OR10G9: variants seen among roughly 807,000 people sequenced by gnomAD.
OR10G9 encodes olfactory receptor family 10 subfamily G member 9.
For missense variants in OR10G9, 347 were observed against 378.6 expected (o/e 0.92, Z 0.69); for synonymous variants, 149 against 161.0 (o/e 0.93, Z 0.56).
chr11:124,023,580 G>A lies in OR10G9; in HGVS notation c.568G>A (p.Asp190Asn), dbSNP rs766320268. ...GCCCATCCTGAAACTGGCCTGTGCA[G>A]ACACCTCAGCCAACGAGATGGTCAT... ...APPILKLACADTSANEMVIFV... is the reference protein window; with the variant it reads ...APPILKLACANTSANEMVIFV... The change falls in exon 1 of 1, where the codon GAC (aspartate) becomes AAC (asparagine). Residue 190 changes from aspartate (D) to asparagine (N), a missense_variant. Asp to Asn is a conservative substitution (Grantham distance 23, BLOSUM62 1). Coordinates refer to ENST00000375024, the MANE Select transcript of OR10G9 (RefSeq NM_001001953.1). 6 of 1,613,912 alleles carry A rather than the reference G, an allele frequency of 3.7e-6. No homozygotes were observed. The highest frequency in any genetic ancestry group is 1.3e-5 in the African/African-American group (1 of 74,902).
rs1345171819 is a variant in OR10G9, at chr11:124,023,314, AT to A, written c.308del (p.Phe103SerfsTer32). ...ISFHSCVAQL[Y>X]FFHFLGSTEC... is the part of the protein sequence containing the mutation. ...TTCCACAGCTGCGTGGCTCAGCTCT[AT>A]TTTTTCCACTTCCTGGGGAGCACCG... is the stretch of plus-strand genomic sequence containing the variant. On this transcript the variant is annotated frameshift_variant, in exon 1 of 1. Coordinates refer to ENST00000375024, the MANE Select transcript of OR10G9 (RefSeq NM_001001953.1). LOFTEE classifies it low-confidence loss of function (END_TRUNC). 6.3e-7 allele frequency: 1 copy of A among 1,577,444 alleles called. No homozygotes were observed. Among genetic ancestry groups the A allele is most frequent in the Non-Finnish European group, 8.7e-7 (1 of 1,155,026 alleles).
In OR10G9 at chr11:124,023,018, C is replaced by G. The variant is rs143971004; in HGVS notation, c.6C>G (p.Ser2=). M[S]KTSLVTAFIL... ...GAGACCAAGGGTGAGAAGAAATGTC[C>G]AAGACCAGCCTCGTGACAGCGTTCA... The change falls in exon 1 of 1, where the codon TCC becomes TCG. Residue 2 remains serine (S), a synonymous_variant. Transcript: ENST00000375024. The G allele has an allele frequency of 6.2e-6, 10 of 1,613,482 alleles. No homozygotes were observed. The African/African-American group carries it at 1.1e-4, about 17-fold the overall frequency.
chr11:124,023,566 A>C lies in OR10G9; in HGVS notation c.554A>C (p.Lys185Thr), dbSNP rs776298193. Residue 185 changes from lysine to threonine, a missense_variant, in exon 1 of 1, where the codon AAA becomes ACA. Transcript: ENST00000375024. Reference protein sequence around the residue: ...HYLCDAPPILKLACADTSANE... With the variant: ...HYLCDAPPILTLACADTSANE... ...TTGTGTGATGCACCGCCCATCCTGA[A>C]ACTGGCCTGTGCAGACACCTCAGCC... The C allele has an allele frequency of 6.2e-7, 1 of 1,613,942 alleles. No individual in the cohort carries two copies. The highest frequency in any genetic ancestry group is 8.5e-7 in the Non-Finnish European group (1 of 1,179,884).
In OR10G9 at chr11:124,023,320, T is replaced by C; in HGVS notation, c.308T>C (p.Phe103Ser). ...AGCTGCGTGGCTCAGCTCTATTTTTTCCACTTCCTGGGGAGCACCGAGTGT... is the reference window on the plus strand; with the variant it reads ...AGCTGCGTGGCTCAGCTCTATTTTTCCCACTTCCTGGGGAGCACCGAGTGT... ...FHSCVAQLYF[F>S]HFLGSTECFL... is the part of the protein sequence containing the mutation. The change falls in exon 1 of 1, where the codon TTC (phenylalanine) becomes TCC (serine). Residue 103 changes from phenylalanine to serine, a missense_variant. Coordinates refer to ENST00000375024, the MANE Select transcript of OR10G9 (RefSeq NM_001001953.1). The C allele has an allele frequency of 6.3e-7, 1 of 1,586,864 alleles. No homozygotes were observed. The highest frequency in any genetic ancestry group is 8.6e-7 in the Non-Finnish European group (1 of 1,158,300).
chr11:124,023,895 A>T lies in OR10G9; in HGVS notation c.883A>T (p.Lys295Ter), dbSNP rs199970781. 6.3e-7 allele frequency: 1 copy of T among 1,598,900 alleles called. No individual in the cohort carries two copies. Among genetic ancestry groups the T allele is most frequent in the East Asian group, 2.2e-5 (1 of 44,840 alleles). ...VVYTLRNKEV[K>*]KAVLKLRDKV... ...GTACACCCTGAGAAACAAGGAGGTGAAGAAAGCTGTGTTGAAACTGAGAGA... is the reference window on the plus strand; with the variant it reads ...GTACACCCTGAGAAACAAGGAGGTGTAGAAAGCTGTGTTGAAACTGAGAGA... The change falls in exon 1 of 1, where the codon AAG becomes TAG. Residue 295 changes from lysine (K) to a stop codon, truncating the protein, a stop_gained. Transcript: ENST00000375024. LOFTEE classifies it low-confidence loss of function (END_TRUNC).
In OR10G9 at chr11:124,023,890, A is replaced by T. The variant is rs748143370; in HGVS notation, c.878A>T (p.Glu293Val). ...GTTGTGTACACCCTGAGAAACAAGG[A>T]GGTGAAGAAAGCTGTGTTGAAACTG... ...NPVVYTLRNK[E>V]VKKAVLKLRD... The change falls in exon 1 of 1, where the codon GAG (glutamate) becomes GTG (valine). Residue 293 changes from glutamate (E) to valine (V), a missense_variant. By Grantham distance (121) the Glu-to-Val change is moderately radical. Transcript: ENST00000375024. 8 of 1,612,266 alleles carry T rather than the reference A, an allele frequency of 5.0e-6. No homozygotes were observed. The highest frequency in any genetic ancestry group is 1.7e-5 in the Admixed American group (1 of 59,490).
At position 124,023,406 on chromosome 11, in the gene OR10G9, A is replaced by G; in HGVS notation, c.394A>G (p.Thr132Ala). ...GGCCATCAGTTACCCGCTCAGGTAC[A>G]CCAGCATGATGAGTGGGAGCAGATG... is the stretch of plus-strand genomic sequence containing the variant. ...YLAISYPLRY[T>A]SMMSGSRCAL... Residue 132 changes from threonine to alanine, a missense_variant, in exon 1 of 1, where the codon ACC becomes GCC. By Grantham distance (58) the Thr-to-Ala change is moderately conservative. Transcript: ENST00000375024. 6.2e-7 allele frequency: 1 copy of G among 1,611,376 alleles called. No homozygotes were observed. Among genetic ancestry groups the G allele is most frequent in the South Asian group, 1.1e-5 (1 of 90,920 alleles).
Position 124,023,798 on chromosome 11 carries a change from C to A in OR10G9, c.786C>A (p.Gly262=), listed in dbSNP as rs935457846. 1 of 1,614,178 alleles carries A rather than the reference C, an allele frequency of 6.2e-7. No homozygotes were observed. The highest frequency in any genetic ancestry group is 1.7e-5 in the Admixed American group (1 of 60,024). Residue 262 remains glycine, a synonymous_variant, in exon 1 of 1, where the codon GGC becomes GGA. Transcript: ENST00000375024. ...GTGTTTTCATTTACCTGAGACCAGG[C>A]TCCAGGGACGTCGTGGATGGAGTTG... ...VPCVFIYLRP[G]SRDVVDGVVA...
chr11:124,023,792 A>G lies in OR10G9; in HGVS notation c.780A>G (p.Arg260=), dbSNP rs1168844891. 6.2e-7 allele frequency: 1 copy of G among 1,614,030 alleles called. No individual in the cohort carries two copies. The highest frequency in any genetic ancestry group is 8.5e-7 in the Non-Finnish European group (1 of 1,180,018). ...TTCCCTGTGTTTTCATTTACCTGAGACCAGGCTCCAGGGACGTCGTGGATG... is the reference window on the plus strand; with the variant it reads ...TTCCCTGTGTTTTCATTTACCTGAGGCCAGGCTCCAGGGACGTCGTGGATG... The part of the protein sequence containing the change: ...FFVPCVFIYL[R]PGSRDVVDGV... Residue 260 remains arginine (R), a synonymous_variant, in exon 1 of 1, where the codon AGA becomes AGG. Transcript: ENST00000375024.
At position 124,023,333 on chromosome 11, in the gene OR10G9, G is replaced by A. The variant is rs1864079040; in HGVS notation, c.321G>A (p.Gly107=). 2 of 1,590,096 alleles carry A rather than the reference G, an allele frequency of 1.3e-6. No homozygotes were observed. Among genetic ancestry groups the A allele is most frequent in the Non-Finnish European group, 1.7e-6 (2 of 1,160,818 alleles). Residue 107 remains glycine (G), a synonymous_variant, in exon 1 of 1, where the codon GGG becomes GGA. Transcript: ENST00000375024. The part of the protein sequence containing the change: ...VAQLYFFHFL[G]STECFLYTVM... ...AGCTCTATTTTTTCCACTTCCTGGGGAGCACCGAGTGTTTCCTCTACACAG... is the reference window on the plus strand; with the variant it reads ...AGCTCTATTTTTTCCACTTCCTGGGAAGCACCGAGTGTTTCCTCTACACAG...
Position 124,023,652 on chromosome 11 carries a change from G to C in OR10G9, c.640G>C (p.Val214Leu), listed in dbSNP as rs1864084333. 1 of 1,614,142 alleles carries C rather than the reference G, an allele frequency of 6.2e-7. No individual in the cohort carries two copies. Among genetic ancestry groups the C allele is most frequent in the Admixed American group, 1.7e-5 (1 of 60,006 alleles). The change falls in exon 1 of 1, where the codon GTG (valine) becomes CTG (leucine). Residue 214 changes from valine to leucine, a missense_variant. Val to Leu is a conservative substitution (Grantham distance 32). Coordinates refer to ENST00000375024, the MANE Select transcript of OR10G9 (RefSeq NM_001001953.1). ...LVASGCFLLIVLSYVSIVCSI... is the reference protein window; with the variant it reads ...LVASGCFLLILLSYVSIVCSI... ...GGCCTCGGGCTGCTTTCTCCTGATA[G>C]TGCTGTCTTATGTGTCCATCGTCTG...
Position 124,023,912 on chromosome 11 carries a change from A to T in OR10G9, c.900A>T (p.Lys300Asn), listed in dbSNP as rs1864088619. 6.2e-7 allele frequency: 1 copy of T among 1,607,170 alleles called. No individual in the cohort carries two copies. The highest frequency in any genetic ancestry group is 1.1e-5 in the South Asian group (1 of 89,958). ...RNKEVKKAVL[K>N]LRDKVAHSQG... ...AGGAGGTGAAGAAAGCTGTGTTGAA[A>T]CTGAGAGACAAAGTAGCACATTCTC... Residue 300 changes from lysine (K) to asparagine (N), a missense_variant, in exon 1 of 1, where the codon AAA (lysine) becomes AAT (asparagine). By Grantham distance (94) the Lys-to-Asn change is moderately conservative. Transcript: ENST00000375024.
rs570746180 is a variant in OR10G9 at position 124,023,705 on chromosome 11, G to A, written c.693G>A (p.Glu231=). ...CCATCCTGCGGATCCACACCTCAGAGGGGAGGCACAGAGCCTTTCAGACCT... is the reference window on the plus strand; with the variant it reads ...CCATCCTGCGGATCCACACCTCAGAAGGGAGGCACAGAGCCTTTCAGACCT... ...VCSILRIHTS[E]GRHRAFQTCA... The change falls in exon 1 of 1, where the codon GAG becomes GAA. Residue 231 remains glutamate (E), a synonymous_variant. Coordinates refer to ENST00000375024, the MANE Select transcript of OR10G9 (RefSeq NM_001001953.1). 16 of 1,613,988 alleles carry A rather than the reference G, an allele frequency of 9.9e-6. No individual in the cohort carries two copies. In the Admixed American group the frequency reaches 2.2e-4, roughly 22 times the overall value.
At position 124,023,933 on chromosome 11, in the gene OR10G9, T is replaced by TTC. The variant is rs760359447; in HGVS notation, c.924_925dup (p.Gln309LeufsTer?). On this transcript the variant is annotated frameshift_variant, in exon 1 of 1. Transcript: ENST00000375024. LOFTEE classifies it high-confidence loss of function. Reference sequence around the variant, plus strand: ...TGAAACTGAGAGACAAAGTAGCACATTCTCAGGGAGAATAAATACTAGGAA... The same window carrying TTC: ...TGAAACTGAGAGACAAAGTAGCACATTCTCTCAGGGAGAATAAATACTAGGAA... 1 of 1,590,714 alleles carries TTC rather than the reference T, an allele frequency of 6.3e-7. No homozygotes were observed. Among genetic ancestry groups the TTC allele is most frequent in the Non-Finnish European group, 8.5e-7 (1 of 1,171,296 alleles).
At position 124,023,851 on chromosome 11, in the gene OR10G9, C is replaced by A. The variant is rs142080125; in HGVS notation, c.839C>A (p.Pro280His). 9.3e-6 allele frequency: 15 copies of A among 1,614,026 alleles called. No homozygotes were observed. Among genetic ancestry groups the A allele is most frequent in the African/African-American group, 2.7e-5 (2 of 74,910 alleles). ...GCCATTTTCTACACTGTGCTGACACCCCTTCTCAACCCTGTTGTGTACACC... is the reference window on the plus strand; with the variant it reads ...GCCATTTTCTACACTGTGCTGACACACCTTCTCAACCCTGTTGTGTACACC... ...VVAIFYTVLT[P>H]LLNPVVYTLR... Residue 280 changes from proline (P) to histidine (H), a missense_variant, in exon 1 of 1, where the codon CCC becomes CAC. Physicochemically the swap from Pro to His is moderately conservative, Grantham distance 77 (BLOSUM62 -2). Coordinates refer to ENST00000375024, the MANE Select transcript of OR10G9 (RefSeq NM_001001953.1).
chr11:124,023,632 C>G lies in OR10G9; in HGVS notation c.620C>G (p.Ser207Trp), dbSNP rs12363627. Residue 207 changes from serine to tryptophan, a missense_variant, in exon 1 of 1, where the codon TCG becomes TGG. Ser to Trp is a radical substitution (Grantham distance 177). Coordinates refer to ENST00000375024, the MANE Select transcript of OR10G9 (RefSeq NM_001001953.1). ...TTTGTGGACATTGGGCTAGTGGCCT[C>G]GGGCTGCTTTCTCCTGATAGTGCTG... Reference protein sequence around the residue: ...VIFVDIGLVASGCFLLIVLSY... With the variant: ...VIFVDIGLVAWGCFLLIVLSY... 1 of 1,614,114 alleles carries G rather than the reference C, an allele frequency of 6.2e-7. No homozygotes were observed. The highest frequency in any genetic ancestry group is 8.5e-7 in the Non-Finnish European group (1 of 1,180,020).
In OR10G9 at chr11:124,023,761, T is replaced by A. The variant is rs767879065; in HGVS notation, c.749T>A (p.Phe250Tyr). 6 of 1,614,020 alleles carry A rather than the reference T, an allele frequency of 3.7e-6. No homozygotes were observed. The South Asian group carries it at 6.6e-5, about 18-fold the overall frequency. ...TCCCACTGCATCGTGGTCCTTTGCT[T>A]TTTTGTTCCCTGTGTTTTCATTTAC... ...CASHCIVVLC[F>Y]FVPCVFIYLR... Residue 250 changes from phenylalanine to tyrosine, a missense_variant, in exon 1 of 1, where the codon TTT (phenylalanine) becomes TAT (tyrosine). By Grantham distance (22) the Phe-to-Tyr change is conservative. Transcript: ENST00000375024.
Position 124,023,499 on chromosome 11 carries a change from T to C in OR10G9, c.487T>C (p.Phe163Leu). The change falls in exon 1 of 1, where the codon TTC becomes CTC. Residue 163 changes from phenylalanine to leucine, a missense_variant. Transcript: ENST00000375024. Reference sequence around the variant, plus strand: ...CTCTGCTGTCCAGACCATATTGACTTTCCATTTGCCCTACTGTGGACCCAA... The same window carrying C: ...CTCTGCTGTCCAGACCATATTGACTCTCCATTTGCCCTACTGTGGACCCAA... ...LHSAVQTILTFHLPYCGPNQI... is the reference protein window; with the variant it reads ...LHSAVQTILTLHLPYCGPNQI... The C allele has an allele frequency of 6.2e-7, 1 of 1,613,704 alleles. No individual in the cohort carries two copies. The highest frequency in any genetic ancestry group is 1.7e-4 in the Middle Eastern group (1 of 6,056).
At position 124,023,660 on chromosome 11, in the gene OR10G9, T is replaced by C. The variant is rs141129525; in HGVS notation, c.648T>C (p.Ser216=). ...ASGCFLLIVL[S]YVSIVCSILR... ...GCTGCTTTCTCCTGATAGTGCTGTC[T>C]TATGTGTCCATCGTCTGTTCCATCC... Residue 216 remains serine (S), a synonymous_variant, in exon 1 of 1, where the codon TCT becomes TCC. Coordinates refer to ENST00000375024, the MANE Select transcript of OR10G9 (RefSeq NM_001001953.1). The C allele has an allele frequency of 1.6e-4, 266 of 1,614,000 alleles. No individual in the cohort carries two copies. The highest frequency in any genetic ancestry group is 1.6e-3 in the African/African-American group (121 of 75,022).
Sources: gnomAD v4.1 joint callset for allele counts on GRCh38, gnomAD v4.1.1 for gene constraint, MANE v1.5 for transcripts, NCBI Gene and HGNC (gene_info 2026-07-23, HGNC 2026-07-21) for gene names.